CDYL: variants seen among roughly 807,000 people sequenced by gnomAD.
CDYL encodes the protein chromodomain Y-like protein.
A neutral mutation model predicts 47.3 loss-of-function variants in CDYL; 8 were observed. The observed-to-expected ratio is 0.17, with a 90% CI of 0.10 to 0.31. The LOEUF is 0.31. Among genes scored for constraint, CDYL ranks in the 10% least tolerant of loss-of-function variants. CDYL has a pLI of 1.00. For missense variants in CDYL, 471 were observed against 701.4 expected (o/e 0.67, Z 3.71); for synonymous variants, 266 against 265.0 (o/e 1.00, Z -0.04).
At chr6:4,741,182 T>C (rs1214316215) in intron 3 of CDYL, among the ~76,000 whole-genome samples, 2 of 152,202 alleles carry the variant, frequency 1.3e-5, no homozygotes, top group African/African-American at 4.8e-5. Context: ...ACCCTGGCTA[T>C]TTCCAAAGCC....
intron 1 of CDYL, among the ~76,000 whole-genome samples, chr6:4,710,153 T>G (rs889787934): frequency 6.6e-6 from 1 of 151,648 alleles, no homozygotes; most frequent in Non-Finnish European, 1.5e-5. Flanking sequence ...ACCTGGGAGG[T>G]GGAGGTTGCA....
At chr6:4,864,989 G>A (rs564781992) in intron 1 of CDYL, among the ~76,000 whole-genome samples, 2 of 152,332 alleles carry the variant, frequency 1.3e-5, no homozygotes, top group Non-Finnish European at 2.9e-5. Context: ...CAGTATGTCA[G>A]TGTGTTCAGC....
At chr6:4,707,607 A>C (rs1757070489) in intron 1 of CDYL, among the ~76,000 whole-genome samples, 1 of 152,188 alleles carries the variant, frequency 6.6e-6, no homozygotes. Flanking sequence ...TATGACCTCC[A>C]GCCATCCAAA....
At chr6:4,945,175 A>G (rs1235470070) in intron 5 of CDYL, among the ~76,000 whole-genome samples, 4 of 152,104 alleles carry the variant, frequency 2.6e-5, no homozygotes, top group Admixed American at 6.5e-5. Context: ...AATTCACATC[A>G]TGTTTGTAGT....
At chr6:4,718,869 G>A (rs9392061) in intron 2 of CDYL, among the ~76,000 whole-genome samples, 81,562 of 151,590 alleles carry the variant, frequency 0.54, 23,422 homozygotes, top group South Asian at 0.7. Flanking sequence ...TTTATTGATA[G>A]GCATTCAGGT....
At chr6:4,900,783 A>ATG (rs1561697444) in intron 2 of CDYL, among the ~76,000 whole-genome samples, 1 of 30,670 alleles carries the variant, frequency 3.3e-5, no homozygotes, top group Admixed American at 4.6e-4. Context: ...ACGTGTGTAT[A>ATG]TATATATATA....
At chr6:4,867,995 CTT>C (rs939200695) in intron 1 of CDYL, among the ~76,000 whole-genome samples, 1 of 151,852 alleles carries the variant, frequency 6.6e-6, no homozygotes, top group Non-Finnish European at 1.5e-5. Flanking sequence ...TGTCATCTCT[CTT>C]CTTTTTTTGG....
intron 2 of CDYL, among the ~76,000 whole-genome samples, chr6:4,722,056 T>C (rs890389216): frequency 1.6e-4 from 25 of 152,258 alleles, no homozygotes; most frequent in African/African-American, 5.5e-4. Flanking sequence ...GATTTCATCA[T>C]GTTGGTCAGG....
chr6:4,851,682 C>A (rs1227591280), intron 1 of CDYL, among the ~76,000 whole-genome samples: 1 of 152,248 alleles, frequency 6.6e-6, no homozygotes, highest in Non-Finnish European at 1.5e-5. Flanking sequence ...CATCCACCAG[C>A]ACCTTGGTAA....
chr6:4,896,267 TGTG>T (rs894147765), intron 2 of CDYL, among the ~76,000 whole-genome samples: 1 of 152,242 alleles, frequency 6.6e-6, no homozygotes, highest in African/African-American at 2.4e-5. Context: ...GCAGGCCTCC[TGTG>T]GATTTGGGAG....
At chr6:4,807,589 GTCTTTTTTTTT>G (rs1467718793) in intron 1 of CDYL, among the ~76,000 whole-genome samples, 2 of 87,218 alleles carry the variant, frequency 2.3e-5, no homozygotes, top group African/African-American at 8.8e-5. Context: ...ATTCATTCAT[GTCTTTTTTTTT>G]TTTTTTTTTT....
chr6:4,915,838 A>G (rs1211378212), intron 2 of CDYL, among the ~76,000 whole-genome samples: 1 of 152,242 alleles, frequency 6.6e-6, no homozygotes, highest in African/African-American at 2.4e-5. Context: ...GTCACCCTAT[A>G]TATGAAGCCT....
At chr6:4,916,096 T>G (rs1757549325) in intron 2 of CDYL, among the ~76,000 whole-genome samples, 1 of 152,134 alleles carries the variant, frequency 6.6e-6, no homozygotes, top group Admixed American at 6.5e-5. Flanking sequence ...TGCCCATAAC[T>G]TCTGTATTCC....
intron 1 of CDYL, among the ~76,000 whole-genome samples, chr6:4,834,853 C>T (rs1259328638): frequency 6.6e-6 from 1 of 152,148 alleles, no homozygotes; most frequent in East Asian, 1.9e-4. Flanking sequence ...CCCTTTCTTC[C>T]AGTTGATCAC....
intron 1 of CDYL, among the ~76,000 whole-genome samples, chr6:4,864,604 T>C (rs1214980077): frequency 6.6e-6 from 1 of 152,140 alleles, no homozygotes; most frequent in Non-Finnish European, 1.5e-5. Flanking sequence ...AAGGGGGTAA[T>C]TGAATCATGG....
chr6:4,792,008 G>C (rs553424805), intron 1 of CDYL, among the ~76,000 whole-genome samples: 2 of 149,836 alleles, frequency 1.3e-5, no homozygotes, highest in Non-Finnish European at 3.0e-5. Context: ...TCAGCCTCCC[G>C]AGTAGCTGGG....
chr6:4,838,936 C>T (rs1760406298), intron 1 of CDYL, among the ~76,000 whole-genome samples: 3 of 152,136 alleles, frequency 2.0e-5, no homozygotes, highest in Admixed American at 6.5e-5. Context: ...CCTCCCGCCT[C>T]GGCCTTGGGA....
intron 1 of CDYL, among the ~76,000 whole-genome samples, chr6:4,880,316 A>G (rs1761730633): frequency 6.6e-6 from 1 of 152,112 alleles, no homozygotes; most frequent in Non-Finnish European, 1.5e-5. Context: ...TTTACCTAGC[A>G]ATAATATGTT....
intron 3 of CDYL, among the ~76,000 whole-genome samples, chr6:4,761,180 G>T (rs937302940): frequency 3.3e-5 from 5 of 152,038 alleles, no homozygotes; most frequent in African/African-American, 1.2e-4. Context: ...AGCTCTTGGC[G>T]GCAGATAAAG....
Sources: allele counts gnomAD v4.1 joint callset (sites outside exome capture counted in the v4.1 genomes callset), GRCh38; gene constraint gnomAD v4.1.1; transcripts MANE v1.5; gene names NCBI Gene and HGNC (gene_info 2026-07-23, HGNC 2026-07-21).